Variants in KCNQ5 observed in about 807,000 individuals in gnomAD.
KCNQ5 encodes the protein potassium voltage-gated channel subfamily KQT member 5.
A neutral mutation model predicts 98.2 loss-of-function variants in KCNQ5; 30 were observed. That is an observed-to-expected ratio of 0.31 (90% CI 0.23 to 0.41). The LOEUF (loss-of-function observed/expected upper bound fraction) is 0.41, where lower values mean the gene tolerates loss of function less well. Ranked by LOEUF, KCNQ5 falls within the 10% of genes least tolerant of loss-of-function variation. The probability of loss-of-function intolerance (pLI) is 1.00; values close to 1 mark genes in which losing one functional copy is unlikely to be tolerated. For missense variants in KCNQ5, 835 were observed against 1,182.5 expected (o/e 0.71, Z 4.31); for synonymous variants, 458 against 449.4 (o/e 1.02, Z -0.24).
At chr6:72,969,471 T>C (rs989988101) in intron 1 of KCNQ5, among the ~76,000 whole-genome samples, 1 of 152,184 alleles carries the variant, frequency 6.6e-6, no homozygotes, top group African/African-American at 2.4e-5. Context: ...CAGTCATTAG[T>C]TAGTGGTGCC....
chr6:72,837,954 C>CT (rs911850489), intron 1 of KCNQ5, among the ~76,000 whole-genome samples: 1 of 151,324 alleles, frequency 6.6e-6, no homozygotes, highest in Non-Finnish European at 1.5e-5. Context: ...ATTCTTCATC[C>CT]TTTTTTTTAT....
intron 1 of KCNQ5, among the ~76,000 whole-genome samples, chr6:72,728,250 CT>C (rs1464511644): frequency 2.0e-5 from 3 of 152,094 alleles, no homozygotes; most frequent in Admixed American, 2.0e-4. Context: ...AAATAGCTTA[CT>C]TCTGTCTCAT....
At chr6:72,949,402 G>T (rs976270218) in intron 1 of KCNQ5, among the ~76,000 whole-genome samples, 1 of 152,162 alleles carries the variant, frequency 6.6e-6, no homozygotes, top group Non-Finnish European at 1.5e-5. Flanking sequence ...CCCATGTAAA[G>T]TGGTAGACAA....
chr6:72,671,917 C>T (rs1391562359), intron 1 of KCNQ5, among the ~76,000 whole-genome samples: 15 of 151,620 alleles, frequency 9.9e-5, no homozygotes, highest in Admixed American at 9.9e-4. Flanking sequence ...CCCAGGTTCA[C>T]ACCATTCTCC....
chr6:72,876,107 G>T (rs189229838), intron 1 of KCNQ5, among the ~76,000 whole-genome samples: 1 of 152,072 alleles, frequency 6.6e-6, no homozygotes, highest in East Asian at 1.9e-4. Flanking sequence ...AACATTTATA[G>T]TTAGTTATTT....
At chr6:72,977,022 T>C (rs1486805205) in intron 1 of KCNQ5, among the ~76,000 whole-genome samples, 1 of 152,240 alleles carries the variant, frequency 6.6e-6, no homozygotes, top group Non-Finnish European at 1.5e-5. Flanking sequence ...TTTTATATAA[T>C]AAACCAATAT....
chr6:72,855,923 G>T (rs938272726), intron 1 of KCNQ5, among the ~76,000 whole-genome samples: 4 of 152,046 alleles, frequency 2.6e-5, no homozygotes, highest in Non-Finnish European at 4.4e-5. Flanking sequence ...GTTGAATATG[G>T]GATCCTGTAT....
intron 1 of KCNQ5, among the ~76,000 whole-genome samples, chr6:72,801,691 CT>C (rs201575469): frequency 0.039 from 5,798 of 150,372 alleles, 364 homozygotes; most frequent in African/African-American, 0.13. Flanking sequence ...GGTTATTTTG[CT>C]CGTTAGTTGA....
intron 10 of KCNQ5, chr6:73,134,016 G>T (rs1379113848): frequency 6.3e-6 from 3 of 475,650 alleles, no homozygotes; most frequent in African/African-American, 6.0e-5. Flanking sequence ...CCAGGTGCTT[G>T]CTCTGTGAAT....
chr6:72,922,817 T>TTTTTC (rs1220723030), intron 1 of KCNQ5, among the ~76,000 whole-genome samples: 1 of 141,138 alleles, frequency 7.1e-6, no homozygotes, highest in African/African-American at 2.6e-5. Flanking sequence ...TTTCTTTTTT[T>TTTTTC]TTTTTTTTTT....
chr6:72,732,870 T>TAC, intron 1 of KCNQ5, among the ~76,000 whole-genome samples: 1 of 152,082 alleles, frequency 6.6e-6, no homozygotes. Flanking sequence ...GGAAAGAAAC[T>TAC]ACAGTATTTG....
At chr6:73,193,074 G>A (rs1370928455) in intron 13 of KCNQ5, among the ~76,000 whole-genome samples, 1 of 141,724 alleles carries the variant, frequency 7.1e-6, no homozygotes, top group Admixed American at 7.4e-5. Flanking sequence ...AGGCTGGAGT[G>A]TAGTGGCATG....
At chr6:72,901,019 C>A (rs746139174) in intron 1 of KCNQ5, among the ~76,000 whole-genome samples, 64 of 152,058 alleles carry the variant, frequency 4.2e-4, no homozygotes, top group Non-Finnish European at 6.2e-4. Flanking sequence ...GGTACATGTG[C>A]ACAACATGCA....
chr6:73,074,874 G>A (rs1253375285), intron 3 of KCNQ5, among the ~76,000 whole-genome samples: 1 of 151,464 alleles, frequency 6.6e-6, no homozygotes, highest in African/African-American at 2.4e-5. Flanking sequence ...CAATATTTTA[G>A]CATAGTAAAT....
intron 1 of KCNQ5, among the ~76,000 whole-genome samples, chr6:72,913,044 C>A (rs2150207795): frequency 6.6e-6 from 1 of 152,062 alleles, no homozygotes; most frequent in Non-Finnish European, 1.5e-5. Context: ...CACATGTACC[C>A]CTGAACTTAA....
intron 1 of KCNQ5, among the ~76,000 whole-genome samples, chr6:72,626,970 G>A (rs1219677681): frequency 1.3e-5 from 2 of 152,172 alleles, no homozygotes; most frequent in Non-Finnish European, 2.9e-5. Flanking sequence ...AAGAGTGAAG[G>A]GCACATATTC....
chr6:72,658,578 A>ATATATATATATATATT (rs1226386362), intron 1 of KCNQ5, among the ~76,000 whole-genome samples: 2 of 76,380 alleles, frequency 2.6e-5, no homozygotes, highest in African/African-American at 8.7e-5. Context: ...ATATATATAT[A>ATATATATATATATATT]TTTTTTTTTT....
chr6:73,061,487 G>A (rs1326983295), intron 3 of KCNQ5, among the ~76,000 whole-genome samples: 1 of 152,056 alleles, frequency 6.6e-6, no homozygotes, highest in African/African-American at 2.4e-5. Context: ...GGGTTAATGG[G>A]CTCATATTAT....
intron 3 of KCNQ5, among the ~76,000 whole-genome samples, chr6:73,072,921 G>A (rs1417295615): frequency 6.6e-6 from 1 of 151,802 alleles, no homozygotes; most frequent in Admixed American, 6.6e-5. Flanking sequence ...ATGTGACTTA[G>A]AGCTCCTCCT....
Sources: allele counts gnomAD v4.1 joint callset (sites outside exome capture counted in the v4.1 genomes callset), GRCh38; gene constraint gnomAD v4.1.1; transcripts MANE v1.5; gene names NCBI Gene and HGNC (gene_info 2026-07-23, HGNC 2026-07-21).